The following JPH3 variants were observed in gnomAD, a reference collection of about 807,000 sequenced individuals.
The protein encoded by JPH3 is junctophilin-3.
In JPH3, 11 loss-of-function variants were observed where a neutral mutation model predicts 59.6. That is an observed-to-expected ratio of 0.18 (90% CI 0.12 to 0.31). The LOEUF (loss-of-function observed/expected upper bound fraction) is 0.31. Among genes scored for constraint, JPH3 ranks in the 10% least tolerant of loss-of-function variants. The pLI, the probability that JPH3 is intolerant of heterozygous loss-of-function variation, is 1.00. For synonymous variants in JPH3, 673 were observed against 483.6 expected, an observed-to-expected ratio of 1.39 and a Z score of -5.14; for missense variants, 1,202 against 1,105.7, an observed-to-expected ratio of 1.09 and a Z score of -1.24.
intron 3 of JPH3, 122 bp downstream of exon 3, chr16:87,684,388 T>G: frequency 2.1e-6 from 3 of 1,432,564 alleles, no homozygotes; most frequent in South Asian, 2.8e-5. Context: ...CCCCAGCTGC[T>G]CCCCTGCCCG....
At chr16:87,623,590 C>G (rs75867099) in intron 1 of JPH3, among the ~76,000 whole-genome samples, 2,952 of 152,282 alleles carry the variant, frequency 0.019, 104 homozygotes, top group African/African-American at 0.067. Context: ...ACAAAACAAC[C>G]TCTATTTCCT....
At position 87,612,361 on chromosome 16, in the gene JPH3, G is replaced by A. The variant is rs187899149; in HGVS notation, c.382+8833G>A. ...ACTGGTCTCAAACTCCTGAGCTCAAGCGATCCGCCCACCTTGGCCTCCTGA... is the reference window on the plus strand; with the variant it reads ...ACTGGTCTCAAACTCCTGAGCTCAAACGATCCGCCCACCTTGGCCTCCTGA... On this transcript the variant is annotated intron_variant, in intron 1 of 4. Coordinates refer to ENST00000284262, the MANE Select transcript of JPH3 (RefSeq NM_020655.4). 4.2e-3 allele frequency among the ~76,000 whole-genome samples: 644 copies of A among 152,318 alleles called. 16 individuals are homozygous for A. Among genetic ancestry groups the A allele is most frequent in the Non-Finnish European group, 1.1e-3 (74 of 68,032 alleles).
At chr16:87,605,415 C>T (rs1010507247) in intron 1 of JPH3, among the ~76,000 whole-genome samples, 2 of 152,142 alleles carry the variant, frequency 1.3e-5, no homozygotes, top group Admixed American at 6.5e-5. Context: ...AGCAGACAGC[C>T]AGGTGTCCTA....
chr16:87,668,608 C>G (rs2032935974), intron 2 of JPH3, among the ~76,000 whole-genome samples: 2 of 152,164 alleles, frequency 1.3e-5, no homozygotes, highest in African/African-American at 4.8e-5. Context: ...ATTAAATGAG[C>G]TGAGCCAGGG....
Position 87,696,729 on chromosome 16 carries a change from A to C in JPH3, c.*69A>C. ...GGACATTAAAATTAAAAGCAAAACC[A>C]CAAGAAGGGAAAGACCGCAACTCGG... is the stretch of plus-strand genomic sequence containing the variant. On this transcript the variant is annotated 3_prime_UTR_variant, in exon 5 of 5. Transcript: ENST00000284262. 1 of 1,328,908 alleles carries C rather than the reference A, an allele frequency of 7.5e-7. No homozygotes were observed. Among genetic ancestry groups the C allele is most frequent in the Non-Finnish European group, 1.1e-6 (1 of 930,050 alleles). 82.3% of individuals were successfully genotyped at this position (1,328,908 alleles called of 1,614,324 possible).
chr16:87,658,782 G>A (rs550706860), intron 2 of JPH3, among the ~76,000 whole-genome samples: 46 of 152,362 alleles, frequency 3.0e-4, no homozygotes, highest in Non-Finnish European at 5.0e-4. Flanking sequence ...CTCACCTGGG[G>A]CCTGCTGAGA....
At chr16:87,605,422 C>T (rs1355232919) in intron 1 of JPH3, among the ~76,000 whole-genome samples, 1 of 152,128 alleles carries the variant, frequency 6.6e-6, no homozygotes, top group South Asian at 2.1e-4. Context: ...AGCCAGGTGT[C>T]CTAGGCTTTG....
chr16:87,670,356 G>A (rs946057687), intron 2 of JPH3, among the ~76,000 whole-genome samples: 1 of 152,228 alleles, frequency 6.6e-6, no homozygotes, highest in Non-Finnish European at 1.5e-5. Context: ...TGCAGGGTGG[G>A]TGGGGAGGTT....
intron 1 of JPH3, among the ~76,000 whole-genome samples, chr16:87,636,916 G>A (rs574725647): frequency 5.3e-5 from 8 of 152,230 alleles, no homozygotes; most frequent in East Asian, 1.9e-4. Flanking sequence ...CATAGTACGC[G>A]CAGCGCAGTG....
chr16:87,632,754 A>G (rs1767105159), intron 1 of JPH3, among the ~76,000 whole-genome samples: 1 of 152,098 alleles, frequency 6.6e-6, no homozygotes, highest in Admixed American at 6.6e-5. Flanking sequence ...TTAGCCGGGC[A>G]TGGAGGTGTG....
At chr16:87,656,738 C>G (rs1349225631) in intron 2 of JPH3, among the ~76,000 whole-genome samples, 1 of 152,198 alleles carries the variant, frequency 6.6e-6, no homozygotes, top group Admixed American at 6.5e-5. Context: ...CGTCTCTCTC[C>G]TGGTGTCCGC....
In JPH3 at chr16:87,636,937, G is replaced by A. The variant is rs538144784; in HGVS notation, c.383-7321G>A. Among the ~76,000 whole-genome samples, 33 of 152,286 alleles carry A rather than the reference G, an allele frequency of 2.2e-4. No individual in the cohort carries two copies. The East Asian group carries it at 6.2e-3, about 29-fold the overall frequency. The stretch of plus-strand genomic sequence containing the variant: ...ACGCGCAGCGCAGTGGGGCCTGGAC[G>A]CGGCTGCCTGGTTTCAGGTCCACAC... On this transcript the variant is annotated intron_variant, in intron 1 of 4. Coordinates refer to ENST00000284262, the MANE Select transcript of JPH3 (RefSeq NM_020655.4).
At chr16:87,661,558 T>G (rs2032703942) in intron 2 of JPH3, among the ~76,000 whole-genome samples, 1 of 152,222 alleles carries the variant, frequency 6.6e-6, no homozygotes, top group Admixed American at 6.5e-5. Context: ...TGTGTGACTG[T>G]CCAGGGAGGC....
intron 2 of JPH3, among the ~76,000 whole-genome samples, chr16:87,652,226 C>G (rs556008036): frequency 6.6e-6 from 1 of 152,186 alleles, no homozygotes; most frequent in Admixed American, 6.5e-5. Flanking sequence ...CCGCCCACCT[C>G]GGCCTCCCAA....
chr16:87,670,687 C>T (rs1447119904), intron 2 of JPH3, among the ~76,000 whole-genome samples: 2 of 152,242 alleles, frequency 1.3e-5, no homozygotes, highest in African/African-American at 2.4e-5. Flanking sequence ...AGGGACCCGG[C>T]GGGGACAGCA....
chr16:87,619,240 G>A (rs2031082602), intron 1 of JPH3, among the ~76,000 whole-genome samples: 1 of 150,286 alleles, frequency 6.7e-6, no homozygotes, highest in South Asian at 2.1e-4. Flanking sequence ...TTGAGCTCAG[G>A]AAATCAAGGC....
chr16:87,687,238 T>C (rs1354184071), intron 3 of JPH3, among the ~76,000 whole-genome samples: 1 of 151,758 alleles, frequency 6.6e-6, no homozygotes, highest in African/African-American at 2.4e-5. Flanking sequence ...GGAGCTGAGG[T>C]CACCAATGAC....
chr16:87,641,617 C>G (rs1431232906), intron 1 of JPH3, among the ~76,000 whole-genome samples: 3 of 152,254 alleles, frequency 2.0e-5, no homozygotes, highest in Non-Finnish European at 4.4e-5. Flanking sequence ...ATCCCCAGCT[C>G]AGGCTCTGCT....
intron 1 of JPH3, 104 bp from the exon 2 acceptor site, chr16:87,644,154 C>T (rs2032050798): frequency 8.1e-7 from 1 of 1,237,406 alleles, no homozygotes; most frequent in East Asian, 2.4e-5. Context: ...CACAAAACAA[C>T]AGGAAGCTCA....
Sources: allele counts gnomAD v4.1 joint callset (sites outside exome capture counted in the v4.1 genomes callset), GRCh38; gene constraint gnomAD v4.1.1; transcripts MANE v1.5; gene names NCBI Gene and HGNC (gene_info 2026-07-23, HGNC 2026-07-21).